Variants in SLC22A2 observed in about 807,000 individuals in gnomAD.
SLC22A2 encodes organic cation transporter 2.
Under a neutral mutation model 60.5 loss-of-function variants are expected in SLC22A2, and 46 were observed. That is an observed-to-expected ratio of 0.76 (90% CI 0.60 to 0.97). The LOEUF (loss-of-function observed/expected upper bound fraction) is 0.97, where lower values mean the gene tolerates loss of function less well. SLC22A2 is among the 50% of genes least tolerant of loss of function. The pLI is 0.00. For missense variants in SLC22A2, 701 were observed against 706.6 expected, an observed-to-expected ratio of 0.99 and a Z score of 0.09; for synonymous variants, 303 against 267.0, an observed-to-expected ratio of 1.13 and a Z score of -1.31.
chr6:160,223,976 C>T (rs1019782460), intron 10 of SLC22A2, among the ~76,000 whole-genome samples: 5 of 152,074 alleles, frequency 3.3e-5, no homozygotes, highest in Non-Finnish European at 7.4e-5. Flanking sequence ...GTGATCCACC[C>T]GCCTCAGCAT....
At chr6:160,255,368 T>G (rs978732886) in intron 2 of SLC22A2, among the ~76,000 whole-genome samples, 2 of 152,236 alleles carry the variant, frequency 1.3e-5, no homozygotes, top group Non-Finnish European at 2.9e-5. Flanking sequence ...AAGCCATCAT[T>G]ATTCATCCTT....
intron 3 of SLC22A2, among the ~76,000 whole-genome samples, chr6:160,249,619 A>G (rs529648575): frequency 1.1e-4 from 16 of 152,378 alleles, no homozygotes; most frequent in African/African-American, 3.8e-4. Context: ...GCCTGCCAAC[A>G]TAAGCAAACA....
intron 2 of SLC22A2, among the ~76,000 whole-genome samples, chr6:160,255,604 A>T (rs1783257623): frequency 6.6e-6 from 1 of 152,058 alleles, no homozygotes; most frequent in African/African-American, 2.4e-5. Context: ...AGATAAAATT[A>T]TATGTTTGTG....
At chr6:160,252,945 A>G (rs1211618775) in intron 2 of SLC22A2, among the ~76,000 whole-genome samples, 2 of 152,236 alleles carry the variant, frequency 1.3e-5, no homozygotes, top group African/African-American at 2.4e-5. Context: ...CACAGTAATC[A>G]GTGGTGAACG....
At position 160,258,335 on chromosome 6, in the gene SLC22A2, C is replaced by G; in HGVS notation, c.414+9G>C. ...CTTCTCCATCTGAGCCCTGAGCTCA[C>G]TCTCTTACCTCGGTGACGATGGACG... On this transcript the variant is annotated intron_variant, in intron 1 of 10. Coordinates refer to ENST00000366953, the MANE Select transcript of SLC22A2 (RefSeq NM_003058.4). The G allele has an allele frequency of 2.5e-6, 4 of 1,594,982 alleles. No homozygotes were observed. The highest frequency in any genetic ancestry group is 3.4e-6 in the Non-Finnish European group (4 of 1,171,320).
At chr6:160,255,215 G>A (rs1783250010) in intron 2 of SLC22A2, among the ~76,000 whole-genome samples, 1 of 152,212 alleles carries the variant, frequency 6.6e-6, no homozygotes, top group African/African-American at 2.4e-5. Flanking sequence ...CCTTGTCAGG[G>A]CAGCTGAGGA....
At chr6:160,223,524 T>C (rs1293208514) in intron 10 of SLC22A2, among the ~76,000 whole-genome samples, 2 of 152,202 alleles carry the variant, frequency 1.3e-5, no homozygotes, top group South Asian at 2.1e-4. Flanking sequence ...CTCATTCTTT[T>C]TAATGGCTGT....
chr6:160,245,595 C>G, intron 5 of SLC22A2, 50 bp from the exon 6 acceptor site: 1 of 1,175,738 alleles, frequency 8.5e-7, no homozygotes, highest in Non-Finnish European at 1.2e-6. Flanking sequence ...TGCTAGTGTC[C>G]CTGGGTCACA....
intron 9 of SLC22A2, among the ~76,000 whole-genome samples, chr6:160,226,259 A>T (rs933388707): frequency 3.3e-5 from 5 of 152,152 alleles, no homozygotes; most frequent in Non-Finnish European, 7.4e-5. Context: ...CTGCCGGCTC[A>T]CTGGCTTCCC....
At chr6:160,225,462 G>A (rs890978377) in intron 9 of SLC22A2, among the ~76,000 whole-genome samples, 2 of 152,028 alleles carry the variant, frequency 1.3e-5, no homozygotes, top group African/African-American at 4.8e-5. Context: ...CTAGTTTTGA[G>A]GTCTCAAAAC....
Position 160,222,443 on chromosome 6 carries a change from C to T in SLC22A2, c.1601+2262G>A, listed in dbSNP as rs535606734. Among the ~76,000 whole-genome samples the T allele has an allele frequency of 4.6e-5, 7 of 152,308 alleles. No homozygotes were observed. In the East Asian group the frequency reaches 5.8e-4, roughly 13 times the overall value. On this transcript the variant is annotated intron_variant, in intron 10 of 10. Coordinates refer to ENST00000366953, the MANE Select transcript of SLC22A2 (RefSeq NM_003058.4). The stretch of plus-strand genomic sequence containing the variant: ...CATATTACTGCCTGCCTGGCACTGG[C>T]GCTGGCTAGAGAAAGAAACTTCAAT...
intron 6 of SLC22A2, chr6:160,244,081 ATTTAT>A (rs1783054872): frequency 3.6e-6 from 1 of 278,666 alleles, no homozygotes; most frequent in Non-Finnish European, 6.9e-6. Context: ...TAATGGAATG[ATTTAT>A]TTTATTTATT....
In SLC22A2 at chr6:160,249,355, T is replaced by C; in HGVS notation, c.703A>G (p.Arg235Gly). ...ITEFVGRRYR[R>G]TVGIFYQVAY... ...ACTTGGTAAAAAATCCCCACTGTTC[T>C]CCGATATCTCCGCCCAACAAATTCT... Residue 235 changes from arginine (R) to glycine (G), a missense_variant, in exon 4 of 11, where the codon AGA (arginine) becomes GGA (glycine). Coordinates refer to ENST00000366953, the MANE Select transcript of SLC22A2 (RefSeq NM_003058.4). The C allele has an allele frequency of 6.2e-7, 1 of 1,613,588 alleles. No individual in the cohort carries two copies. The highest frequency in any genetic ancestry group is 8.5e-7 in the Non-Finnish European group (1 of 1,179,792).
chr6:160,233,673 C>T (rs887509635), intron 9 of SLC22A2, among the ~76,000 whole-genome samples: 1 of 151,832 alleles, frequency 6.6e-6, no homozygotes, highest in Non-Finnish European at 1.5e-5. Flanking sequence ...TCAATTCATA[C>T]AAAAATGCAT....
chr6:160,244,122 T>C (rs969141328), intron 6 of SLC22A2: 1 of 219,954 alleles, frequency 4.5e-6, no homozygotes, highest in Admixed American at 5.1e-5. Flanking sequence ...AGTCACTCTG[T>C]TGCCCAGGCT....
chr6:160,241,460 T>G lies in SLC22A2; in HGVS notation c.1501+14A>C, dbSNP rs773265495. On this transcript the variant is annotated intron_variant, in intron 9 of 10. Transcript: ENST00000366953. Reference sequence around the variant, plus strand: ...ATAAGTTTTCACTTAAAGACATCTGTGAAGATTTCTTACCGAAAACCATCA... The same window carrying G: ...ATAAGTTTTCACTTAAAGACATCTGGGAAGATTTCTTACCGAAAACCATCA... 6.5e-7 allele frequency: 1 copy of G among 1,549,122 alleles called. No homozygotes were observed. The highest frequency in any genetic ancestry group is 2.2e-5 in the East Asian group (1 of 44,570).
rs112697037 is a variant in SLC22A2 at position 160,229,995 on chromosome 6, C to T, written c.1502-5191G>A. Reference sequence around the variant, plus strand: ...TTTTACACATTGGTCCCTCCCTAGTCTCTGTTCCCAATGCAACTCATCCCA... The same window carrying T: ...TTTTACACATTGGTCCCTCCCTAGTTTCTGTTCCCAATGCAACTCATCCCA... On this transcript the variant is annotated intron_variant, in intron 9 of 10. Coordinates refer to ENST00000366953, the MANE Select transcript of SLC22A2 (RefSeq NM_003058.4). Among the ~76,000 whole-genome samples, 243 of 151,926 alleles carry T rather than the reference C, an allele frequency of 1.6e-3. 6 individuals carry two copies. The highest frequency in any genetic ancestry group is 5.6e-3 in the African/African-American group (229 of 41,212).
At chr6:160,225,321 T>G (rs976661458) in intron 9 of SLC22A2, among the ~76,000 whole-genome samples, 1 of 152,230 alleles carries the variant, frequency 6.6e-6, no homozygotes, top group African/African-American at 2.4e-5. Context: ...TGTCTCTAGC[T>G]ATAATCTTTA....
At chr6:160,249,631 A>G (rs1783152122) in intron 3 of SLC22A2, among the ~76,000 whole-genome samples, 1 of 152,224 alleles carries the variant, frequency 6.6e-6, no homozygotes, top group Non-Finnish European at 1.5e-5. Context: ...AAGCAAACAC[A>G]TTTGATTTAT....
Sources: gnomAD v4.1 joint callset for allele counts (sites outside exome capture counted in the v4.1 genomes callset) on GRCh38, gnomAD v4.1.1 for gene constraint, MANE v1.5 for transcripts, NCBI Gene and HGNC (gene_info 2026-07-23, HGNC 2026-07-21) for gene names.